The following GRM7 variants were observed in gnomAD, a reference collection of about 807,000 sequenced individuals.
The protein encoded by GRM7 is metabotropic glutamate receptor 7.
A neutral mutation model predicts 84.5 loss-of-function variants in GRM7; 35 were observed. The observed-to-expected ratio is 0.41, with a 90% CI of 0.32 to 0.55. The LOEUF (loss-of-function observed/expected upper bound fraction) is 0.55, where lower values mean the gene tolerates loss of function less well. Ranked by LOEUF, GRM7 falls within the 20% of genes least tolerant of loss-of-function variation. The probability of loss-of-function intolerance (pLI) is 0.19; values close to 1 mark genes in which losing one functional copy is unlikely to be tolerated. For missense variants in GRM7, 1,003 were observed against 1,194.6 expected (o/e 0.84, Z 2.36); for synonymous variants, 487 against 455.1 (o/e 1.07, Z -0.89).
At chr3:7,280,077 T>C (rs1019668221) in intron 2 of GRM7, among the ~76,000 whole-genome samples, 1 of 152,222 alleles carries the variant, frequency 6.6e-6, no homozygotes, top group Non-Finnish European at 1.5e-5. Flanking sequence ...TTTGCTTTGT[T>C]AAAATTAAAG....
intron 8 of GRM7, among the ~76,000 whole-genome samples, chr3:7,639,196 T>C (rs1422353399): frequency 6.6e-6 from 1 of 152,144 alleles, no homozygotes; most frequent in Non-Finnish European, 1.5e-5. Context: ...AGCACCAATT[T>C]TGCTTCTTTA....
At chr3:7,010,919 A>G (rs189814237) in intron 1 of GRM7, among the ~76,000 whole-genome samples, 1 of 152,340 alleles carries the variant, frequency 6.6e-6, no homozygotes, top group African/African-American at 2.4e-5. Flanking sequence ...TCAGGAAAAG[A>G]ATTGCAGAAG....
intron 2 of GRM7, among the ~76,000 whole-genome samples, chr3:7,153,842 A>G (rs1248887107): frequency 6.6e-6 from 1 of 152,158 alleles, no homozygotes; most frequent in Non-Finnish European, 1.5e-5. Context: ...CTCTGTTTTC[A>G]AAGAGTAGAA....
At chr3:7,067,209 T>G (rs994518082) in intron 1 of GRM7, among the ~76,000 whole-genome samples, 7 of 152,026 alleles carry the variant, frequency 4.6e-5, no homozygotes, top group African/African-American at 1.7e-4. Context: ...GGTATCCAAA[T>G]TGGTAAAGGG....
chr3:7,500,085 C>T (rs1252924299), intron 7 of GRM7, among the ~76,000 whole-genome samples: 6 of 152,148 alleles, frequency 3.9e-5, no homozygotes, highest in African/African-American at 1.4e-4. Context: ...TCTCCTCCAC[C>T]ATAGCATCTT....
intron 1 of GRM7, among the ~76,000 whole-genome samples, chr3:6,866,544 T>C (rs1315239606): frequency 6.6e-6 from 1 of 152,194 alleles, no homozygotes; most frequent in Non-Finnish European, 1.5e-5. Flanking sequence ...AGACTGCTTT[T>C]GTATTATCTT....
chr3:7,327,119 G>T (rs1419157958), intron 4 of GRM7, among the ~76,000 whole-genome samples: 3 of 152,164 alleles, frequency 2.0e-5, no homozygotes, highest in Non-Finnish European at 2.9e-5. Context: ...TTCTGTATTT[G>T]CCCAGTATCT....
At chr3:7,737,179 T>C (rs1439313746) in intron 9 of GRM7, among the ~76,000 whole-genome samples, 2 of 152,168 alleles carry the variant, frequency 1.3e-5, no homozygotes, top group Non-Finnish European at 2.9e-5. Flanking sequence ...TGAGTGTTGA[T>C]TTTGACAAGA....
chr3:6,982,223 T>C (rs1468828046), intron 1 of GRM7, among the ~76,000 whole-genome samples: 1 of 152,150 alleles, frequency 6.6e-6, no homozygotes, highest in Non-Finnish European at 1.5e-5. Flanking sequence ...CATGCTCTCA[T>C]TTGTAAGTGG....
intron 7 of GRM7, among the ~76,000 whole-genome samples, chr3:7,536,820 G>T (rs2125011328): frequency 6.6e-6 from 1 of 152,306 alleles, no homozygotes. Context: ...GCAGTCTCAT[G>T]AGAGAATTTG....
intron 2 of GRM7, among the ~76,000 whole-genome samples, chr3:7,254,016 A>G (rs1474273731): frequency 6.6e-6 from 1 of 152,048 alleles, no homozygotes; most frequent in Non-Finnish European, 1.5e-5. Flanking sequence ...TCTCCCTCCA[A>G]CCCTGGAGGT....
At chr3:7,222,203 C>A (rs1315548493) in intron 2 of GRM7, among the ~76,000 whole-genome samples, 1 of 151,960 alleles carries the variant, frequency 6.6e-6, no homozygotes, top group African/African-American at 2.4e-5. Context: ...GTCTGAATGC[C>A]TTTTTTGTCA....
At chr3:6,874,813 C>T (rs1036248657) in intron 1 of GRM7, among the ~76,000 whole-genome samples, 2 of 152,172 alleles carry the variant, frequency 1.3e-5, no homozygotes, top group African/African-American at 2.4e-5. Context: ...GTGAAGGGGA[C>T]CTCTTCAAAG....
At chr3:7,018,237 G>A (rs6787727) in intron 1 of GRM7, among the ~76,000 whole-genome samples, 9,977 of 152,012 alleles carry the variant, frequency 0.066, 1,111 homozygotes, top group African/African-American at 0.23. Flanking sequence ...TTTGAAATTC[G>A]GTGCATATTT....
rs567463900 is a variant in GRM7 at position 7,716,668 on chromosome 3, T to C, written c.2699-23689T>C. 3.3e-5 allele frequency among the ~76,000 whole-genome samples: 5 copies of C among 152,316 alleles called. No homozygotes were observed. In the East Asian group the frequency reaches 5.8e-4, roughly 18 times the overall value. On this transcript the variant is annotated intron_variant, in intron 9 of 9. Transcript: ENST00000357716. ...CTAACATTTGGACATCCTACTCCCA[T>C]GGGTTGAATGATGCTGCTGATTGAT...
intron 1 of GRM7, among the ~76,000 whole-genome samples, chr3:6,887,939 A>G (rs982163813): frequency 1.4e-4 from 21 of 152,202 alleles, no homozygotes; most frequent in East Asian, 1.2e-3. Flanking sequence ...GGTGTGAGAT[A>G]GTATCTCATT....
chr3:7,725,293 A>G (rs170626), intron 9 of GRM7, among the ~76,000 whole-genome samples: 142,351 of 151,924 alleles, frequency 0.94, 66,779 homozygotes, highest in African/African-American at 0.97. Context: ...ATATCTTGGG[A>G]AAAAAAATTC....
intron 9 of GRM7, among the ~76,000 whole-genome samples, chr3:7,701,124 G>A (rs1701210289): frequency 6.6e-6 from 1 of 152,148 alleles, no homozygotes; most frequent in South Asian, 2.1e-4. Context: ...AGCATCCTGA[G>A]ACATGCTTGG....
At chr3:7,333,790 TA>T (rs1174421048) in intron 4 of GRM7, among the ~76,000 whole-genome samples, 1 of 151,038 alleles carries the variant, frequency 6.6e-6, no homozygotes, top group East Asian at 2.0e-4. Flanking sequence ...TTCTGGAAAA[TA>T]AAGACACACT....
Sources: gnomAD v4.1 joint callset for allele counts (sites outside exome capture counted in the v4.1 genomes callset) on GRCh38, gnomAD v4.1.1 for gene constraint, MANE v1.5 for transcripts, NCBI Gene and HGNC (gene_info 2026-07-23, HGNC 2026-07-21) for gene names.